MUSK: variants seen among roughly 807,000 people sequenced by gnomAD.
The protein encoded by MUSK is muscle associated receptor tyrosine kinase, also known as muscle, skeletal receptor tyrosine-protein kinase.
MUSK carries 55 observed loss-of-function variants against 88.7 expected under a neutral mutation model. The observed-to-expected ratio is 0.62, with a 90% CI of 0.50 to 0.78. MUSK has a LOEUF of 0.78. MUSK is among the 30% of genes least tolerant of loss of function. The probability of loss-of-function intolerance (pLI) is 0.00; values close to 1 mark genes in which losing one functional copy is unlikely to be tolerated. For synonymous variants in MUSK, 387 were observed against 391.9 expected, an observed-to-expected ratio of 0.99 and a Z score of 0.15; for missense variants, 1,015 against 1,074.3, an observed-to-expected ratio of 0.94 and a Z score of 0.77.
chr9:110,681,014 A>ATAATATATATAATATT (rs1491119330), intron 1 of MUSK, among the ~76,000 whole-genome samples: 5 of 30,956 alleles, frequency 1.6e-4, no homozygotes, highest in Non-Finnish European at 2.7e-4. Flanking sequence ...TATTATATAT[A>ATAATATATATAATATT]ATATATATTA....
rs1487404824 is a variant in MUSK, at chr9:110,801,647, C to A, written c.*659C>A. 1.3e-5 allele frequency: 2 copies of A among 152,106 alleles called. No individual in the cohort carries two copies. The highest frequency in any genetic ancestry group is 2.9e-5 in the Non-Finnish European group (2 of 68,014). 9.4% of individuals were successfully genotyped at this position (152,106 alleles called of 1,614,324 possible). On this transcript the variant is annotated 3_prime_UTR_variant, in exon 15 of 15. Coordinates refer to ENST00000374448, the MANE Select transcript of MUSK (RefSeq NM_005592.4). ...TCTGAGTTCCCTTTTCTGTCCTGTG[C>A]CCCTCCTTTTTTCCTTTCTGTGCAT...
intron 5 of MUSK, chr9:110,728,797 C>A (rs1239716937): frequency 1.7e-6 from 2 of 1,157,040 alleles, no homozygotes; most frequent in South Asian, 1.6e-5. Flanking sequence ...ACCTTATAAA[C>A]AGCTCTAAGT....
chr9:110,676,364 T>TATATATATATATATA (rs777356764), intron 1 of MUSK, among the ~76,000 whole-genome samples: 2,731 of 124,296 alleles, frequency 0.022, 116 homozygotes, highest in African/African-American at 0.072. Flanking sequence ...TATTATATAT[T>TATATATATATATATA]ATATATGTGT....
intron 9 of MUSK, among the ~76,000 whole-genome samples, chr9:110,772,566 T>C (rs1181515051): frequency 6.6e-6 from 1 of 152,020 alleles, no homozygotes; most frequent in Non-Finnish European, 1.5e-5. Flanking sequence ...TTCTCTGATA[T>C]ATAATAATAA....
At chr9:110,700,548 G>A (rs928273468) in intron 5 of MUSK, among the ~76,000 whole-genome samples, 14 of 151,916 alleles carry the variant, frequency 9.2e-5, no homozygotes, top group African/African-American at 3.1e-4. Context: ...AAAGGGAGGA[G>A]TCAAAAAAGG....
chr9:110,775,691 A>G (rs1054603701), intron 9 of MUSK, 97 bp from the exon 10 acceptor site: 49 of 1,149,856 alleles, frequency 4.3e-5, no homozygotes, highest in Non-Finnish European at 1.6e-5. Flanking sequence ...ACAATTTACC[A>G]TGATGATGTC....
intron 1 of MUSK, among the ~76,000 whole-genome samples, chr9:110,676,348 A>ATTATATG (rs2076029002): frequency 1.4e-5 from 2 of 139,510 alleles, no homozygotes; most frequent in African/African-American, 2.6e-5. Flanking sequence ...ACACACATAT[A>ATTATATG]TTATATATTA....
intron 6 of MUSK, among the ~76,000 whole-genome samples, chr9:110,743,550 C>T (rs1365824830): frequency 6.6e-6 from 1 of 152,012 alleles, no homozygotes; most frequent in Non-Finnish European, 1.5e-5. Context: ...TTGCTTTGTC[C>T]AATAAATATA....
chr9:110,694,714 T>C lies in MUSK; in HGVS notation c.359-689T>C, dbSNP rs557851565. ...TAAAATAACTGGCATCCTGAACTTA[T>C]CAATTCTTTTGTATATTAGATTTAA... On this transcript the variant is annotated intron_variant, in intron 3 of 14. Transcript: ENST00000374448. 5.3e-5 allele frequency among the ~76,000 whole-genome samples: 8 copies of C among 152,110 alleles called. No homozygotes were observed. The South Asian group carries it at 1.0e-3, about 20-fold the overall frequency.
intron 2 of MUSK, among the ~76,000 whole-genome samples, chr9:110,684,948 C>T (rs934353066): frequency 1.3e-5 from 2 of 151,936 alleles, no homozygotes; most frequent in African/African-American, 4.8e-5. Flanking sequence ...TTTGGATGGC[C>T]CTTAATATCT....
In MUSK at chr9:110,681,093, ATTATATAATATATATT is replaced by A. The variant is rs1322957255; in HGVS notation, c.80-1580_80-1565del. On this transcript the variant is annotated intron_variant, in intron 1 of 14. Transcript: ENST00000374448. ...ATATTATATATATTATATAATATAT[ATTATATAATATATATT>A]ATATATAATATATATTATATATATT... Among the ~76,000 whole-genome samples, 19 of 9,854 alleles carry A rather than the reference ATTATATAATATATATT, an allele frequency of 1.9e-3. No homozygotes were observed. In the East Asian group the frequency reaches 0.028, roughly 15 times the overall value. 6.5% of individuals were successfully genotyped at this position (9,854 alleles called of 152,430 possible).
intron 5 of MUSK, among the ~76,000 whole-genome samples, chr9:110,708,093 TATCTATCTATC>T (rs1564235748): frequency 1.6e-4 from 13 of 81,160 alleles, no homozygotes; most frequent in African/African-American, 6.1e-4. Flanking sequence ...AAATAATTCC[TATCTATCTATC>T]TATCTATCTA....
At chr9:110,780,947 A>G (rs1247185564) in intron 11 of MUSK, among the ~76,000 whole-genome samples, 1 of 152,132 alleles carries the variant, frequency 6.6e-6, no homozygotes. Flanking sequence ...CTAATGCAAA[A>G]AGTTGATCAT....
intron 1 of MUSK, among the ~76,000 whole-genome samples, chr9:110,676,531 T>A (rs3001137): frequency 6.6e-6 from 1 of 151,476 alleles, no homozygotes; most frequent in African/African-American, 2.4e-5. Flanking sequence ...TTAGCTATTT[T>A]TCATAATGCT....
intron 5 of MUSK, chr9:110,728,671 CTTG>C: frequency 6.5e-7 from 1 of 1,543,460 alleles, no homozygotes; most frequent in Non-Finnish European, 8.8e-7. Context: ...TTTGTTTTGT[CTTG>C]TTTTTATTAA....
chr9:110,737,598 A>G (rs973554081), intron 6 of MUSK, among the ~76,000 whole-genome samples: 1 of 152,020 alleles, frequency 6.6e-6, no homozygotes, highest in Non-Finnish European at 1.5e-5. Flanking sequence ...TATTTTTCCA[A>G]TCTTATAGAA....
rs148575042 is a variant in MUSK, at chr9:110,687,458, C to A, written c.358+190C>A. The stretch of plus-strand genomic sequence containing the variant: ...CAAGTGATTCTCCTGCCTCAGGCTC[C>A]TGAGTAGCTGGGACTACAGGTGCGT... On this transcript the variant is annotated intron_variant, in intron 3 of 14. Transcript: ENST00000374448. Among the ~76,000 whole-genome samples, 1,171 of 152,124 alleles carry A rather than the reference C, an allele frequency of 7.7e-3. 4 individuals carry two copies. The highest frequency in any genetic ancestry group is 0.012 in the Non-Finnish European group (814 of 67,982).
intron 6 of MUSK, among the ~76,000 whole-genome samples, chr9:110,739,204 C>A (rs1020974980): frequency 6.6e-6 from 1 of 152,110 alleles, no homozygotes; most frequent in Non-Finnish European, 1.5e-5. Flanking sequence ...GAGAAGGACT[C>A]ACAGATTTTA....
At chr9:110,789,519 C>G (rs1202533763) in intron 14 of MUSK, among the ~76,000 whole-genome samples, 34 of 152,176 alleles carry the variant, frequency 2.2e-4, no homozygotes, top group Admixed American at 2.2e-3. Flanking sequence ...TGGCTCACGC[C>G]TGTAATTTCA....
Sources: allele counts gnomAD v4.1 joint callset (sites outside exome capture counted in the v4.1 genomes callset), GRCh38; gene constraint gnomAD v4.1.1; transcripts MANE v1.5; gene names NCBI Gene and HGNC (gene_info 2026-07-23, HGNC 2026-07-21).